Variants in SLC17A5 observed in about 807,000 individuals in gnomAD.
SLC17A5 encodes sialin.
Under a neutral mutation model 59.4 loss-of-function variants are expected in SLC17A5, and 47 were observed. That is an observed-to-expected ratio of 0.79 (90% CI 0.63 to 1.01). The LOEUF (loss-of-function observed/expected upper bound fraction) is 1.01, where lower values mean the gene tolerates loss of function less well. Ranked by LOEUF, SLC17A5 falls within the 50% of genes least tolerant of loss-of-function variation. SLC17A5 has a pLI of 0.00. For missense variants in SLC17A5, 522 were observed against 595.5 expected, an observed-to-expected ratio of 0.88 and a Z score of 1.28; for synonymous variants, 202 against 210.7, an observed-to-expected ratio of 0.96 and a Z score of 0.36.
In SLC17A5 at chr6:73,601,643, G is replaced by T. The variant is rs781726555; in HGVS notation, c.1260-1202C>A. ...CCCCGTCCGGGAGGGAGGTGGGGGG[G>T]GGTCAGCCCCCCGCCCAGCCAGATG... On this transcript the variant is annotated intron_variant, in intron 9 of 10. Coordinates refer to ENST00000355773, the MANE Select transcript of SLC17A5 (RefSeq NM_012434.5). 2.6e-3 allele frequency among the ~76,000 whole-genome samples: 250 copies of T among 94,960 alleles called. 12 individuals carry two copies. Among genetic ancestry groups the T allele is most frequent in the Non-Finnish European group, 4.9e-3 (224 of 45,278 alleles). The allele number at this position is 94,960 out of a possible 152,430, so 62.3% of individuals were successfully genotyped here. A position where few individuals can be genotyped will look rare whatever the true frequency, so the allele number is the denominator to read the frequency against.
At chr6:73,622,695 C>T (rs1768206897) in intron 6 of SLC17A5, among the ~76,000 whole-genome samples, 1 of 152,082 alleles carries the variant, frequency 6.6e-6, no homozygotes, top group African/African-American at 2.4e-5. Flanking sequence ...GTTTAATTAT[C>T]CAATCTTTAT....
intron 6 of SLC17A5, among the ~76,000 whole-genome samples, chr6:73,622,916 G>A (rs1224163114): frequency 1.3e-5 from 2 of 152,134 alleles, no homozygotes; most frequent in Admixed American, 6.5e-5. Context: ...TAATAAATAT[G>A]TTGGCCCTGG....
chr6:73,636,525 A>T, intron 5 of SLC17A5, 96 bp downstream of exon 5: 1 of 738,536 alleles, frequency 1.4e-6, no homozygotes, highest in South Asian at 1.6e-5. Flanking sequence ...ACTGTGGTTC[A>T]GTGATTTGGA....
chr6:73,599,770 G>A (rs1185068733), intron 10 of SLC17A5, among the ~76,000 whole-genome samples: 1 of 151,892 alleles, frequency 6.6e-6, no homozygotes, highest in African/African-American at 2.4e-5. Context: ...AGTATATTTG[G>A]TAATAAGAAA....
intron 4 of SLC17A5, among the ~76,000 whole-genome samples, chr6:73,637,265 T>C (rs1320918748): frequency 6.6e-6 from 1 of 152,122 alleles, no homozygotes; most frequent in Admixed American, 6.6e-5. Flanking sequence ...AGTTGAACAG[T>C]TACTGAGTAC....
At position 73,650,526 on chromosome 6, in the gene SLC17A5, A is replaced by AAAAAAG. The variant is rs1562003031; in HGVS notation, c.94+3261_94+3266dup. On this transcript the variant is annotated intron_variant, in intron 1 of 10. Coordinates refer to ENST00000355773, the MANE Select transcript of SLC17A5 (RefSeq NM_012434.5). ...CCGTCTCAAAAAAAAAAAAAAAAAA[A>AAAAAAG]AAAAAGAAAAAGAAAAAAATTAGCC... 1.9e-4 allele frequency among the ~76,000 whole-genome samples: 29 copies of AAAAAAG among 150,246 alleles called. No individual in the cohort carries two copies. The South Asian group carries it at 4.4e-3, about 23-fold the overall frequency.
At chr6:73,633,600 T>C (rs1768865201) in intron 6 of SLC17A5, among the ~76,000 whole-genome samples, 1 of 151,898 alleles carries the variant, frequency 6.6e-6, no homozygotes, top group Admixed American at 6.6e-5. Flanking sequence ...AATCTTGGGC[T>C]AGGCACAGTG....
chr6:73,624,031 C>G (rs1362285829), intron 6 of SLC17A5, among the ~76,000 whole-genome samples: 1 of 152,112 alleles, frequency 6.6e-6, no homozygotes, highest in Non-Finnish European at 1.5e-5. Flanking sequence ...CCTTTGTCAA[C>G]TACTTCGCCA....
chr6:73,653,728 G>T, intron 1 of SLC17A5, 65 bp downstream of exon 1: 1 of 1,449,438 alleles, frequency 6.9e-7, no homozygotes, highest in Non-Finnish European at 9.4e-7. Context: ...GGCCATGCCG[G>T]CCCAGAGACC....
intron 6 of SLC17A5, among the ~76,000 whole-genome samples, chr6:73,622,290 C>A (rs1768188115): frequency 1.4e-5 from 2 of 144,482 alleles, no homozygotes; most frequent in South Asian, 4.3e-4. Context: ...TTATCTATTT[C>A]TTTCTTTCTT....
chr6:73,606,888 T>C (rs1337280265), intron 9 of SLC17A5, among the ~76,000 whole-genome samples: 1 of 152,250 alleles, frequency 6.6e-6, no homozygotes, highest in Non-Finnish European at 1.5e-5. Flanking sequence ...ATAGGAGGCC[T>C]GGCTGAAGTC....
At chr6:73,633,266 C>T (rs993507042) in intron 6 of SLC17A5, among the ~76,000 whole-genome samples, 6 of 149,482 alleles carry the variant, frequency 4.0e-5, no homozygotes, top group Admixed American at 6.7e-5. Flanking sequence ...TATTACAGTG[C>T]TGATTTCTTC....
chr6:73,634,271 T>C (rs1768899251), intron 6 of SLC17A5, among the ~76,000 whole-genome samples: 2 of 152,350 alleles, frequency 1.3e-5, no homozygotes, highest in East Asian at 3.9e-4. Context: ...TTCTCTTTCT[T>C]TAATGACACT....
chr6:73,608,962 G>A (rs1260778059), intron 9 of SLC17A5, among the ~76,000 whole-genome samples: 1 of 152,204 alleles, frequency 6.6e-6, no homozygotes, highest in Non-Finnish European at 1.5e-5. Flanking sequence ...CAAGGCCACA[G>A]TGAACTACAG....
intron 10 of SLC17A5, among the ~76,000 whole-genome samples, chr6:73,598,383 C>A (rs1165623379): frequency 1.3e-5 from 2 of 152,196 alleles, no homozygotes; most frequent in Non-Finnish European, 2.9e-5. Context: ...GATATCCCAG[C>A]ACTTTGGGAG....
chr6:73,641,658 T>C, intron 3 of SLC17A5, 33 bp downstream of exon 3: 1 of 1,458,842 alleles, frequency 6.9e-7, no homozygotes, highest in Non-Finnish European at 9.5e-7. Context: ...AGACACACGG[T>C]AAGAAGTAAA....
At chr6:73,624,456 T>C (rs546606330) in intron 6 of SLC17A5, among the ~76,000 whole-genome samples, 1 of 152,252 alleles carries the variant, frequency 6.6e-6, no homozygotes, top group South Asian at 2.1e-4. Flanking sequence ...GCAAAGAAGT[T>C]TTTTTCTATT....
Position 73,595,044 on chromosome 6 carries a change from C to A in SLC17A5, c.*33G>T, listed in dbSNP as rs140863344. On this transcript the variant is annotated 3_prime_UTR_variant, in exon 11 of 11. Transcript: ENST00000355773. ...TGAGGTTACATGATAAATAAAAATA[C>A]ATTAATAGAGGCAGGATTATTTATT... is the stretch of plus-strand genomic sequence containing the variant. 3.5e-4 allele frequency: 567 copies of A among 1,612,370 alleles called. 2 individuals are homozygous for A. The African/African-American group carries it at 6.1e-3, about 17-fold the overall frequency.
intron 10 of SLC17A5, among the ~76,000 whole-genome samples, chr6:73,596,992 C>A (rs1766837005): frequency 6.7e-6 from 1 of 150,274 alleles, no homozygotes; most frequent in Non-Finnish European, 1.5e-5. Flanking sequence ...GAGACCCTGT[C>A]CCTACTAAAA....
Sources: allele counts gnomAD v4.1 joint callset (sites outside exome capture counted in the v4.1 genomes callset), GRCh38; gene constraint gnomAD v4.1.1; transcripts MANE v1.5; gene names NCBI Gene and HGNC (gene_info 2026-07-23, HGNC 2026-07-21).